The following UVSSA variants were observed in gnomAD, a reference collection of about 807,000 sequenced individuals.
UVSSA encodes UV-stimulated scaffold protein A.
UVSSA carries 72 observed loss-of-function variants against 73.9 expected under a neutral mutation model. The ratio of observed to expected loss-of-function variants is 0.97; its 90% CI spans 0.81 to 1.19. The LOEUF is 1.19. UVSSA is among the 50% of genes most tolerant of loss of function. The probability of loss-of-function intolerance (pLI) is 0.00; values close to 1 mark genes in which losing one functional copy is unlikely to be tolerated. For missense variants in UVSSA, 1,150 were observed against 965.0 expected (o/e 1.19, Z -2.54); for synonymous variants, 454 against 391.3 (o/e 1.16, Z -1.89).
chr4:1,362,175 T>C (rs559045176), intron 7 of UVSSA, among the ~76,000 whole-genome samples: 1 of 152,356 alleles, frequency 6.6e-6, no homozygotes, highest in South Asian at 2.1e-4. Flanking sequence ...TCCTTTTAAG[T>C]GTGGGTGAGA....
chr4:1,343,411 G>C (rs574198649), upstream of UVSSA, among the ~76,000 whole-genome samples: 4 of 152,184 alleles, frequency 2.6e-5, no homozygotes, highest in East Asian at 7.7e-4. Flanking sequence ...TTAGGGCTTC[G>C]ACATAGGAAT....
Position 1,375,495 on chromosome 4 carries a change from C to T in UVSSA, c.1420C>T (p.Pro474Ser), listed in dbSNP as rs770848973. Residue 474 changes from proline (P) to serine (S), a missense_variant, in exon 9 of 14, where the codon CCC becomes TCC. By Grantham distance (74) the Pro-to-Ser change is moderately conservative. Coordinates refer to ENST00000389851, the MANE Select transcript of UVSSA (RefSeq NM_020894.4). ...LRQLRDHLPP[P>S]SSASPSRALP... The stretch of plus-strand genomic sequence containing the variant: ...GCAGCTCCGGGACCACTTGCCTCCA[C>T]CCTCATCTGCCAGGTGACTCCCAGT... 1 of 1,610,430 alleles carries T rather than the reference C, an allele frequency of 6.2e-7. No individual in the cohort carries two copies. The highest frequency in any genetic ancestry group is 8.5e-7 in the Non-Finnish European group (1 of 1,179,750).
At chr4:1,372,991 G>A (rs1474837742) in intron 8 of UVSSA, among the ~76,000 whole-genome samples, 1 of 152,118 alleles carries the variant, frequency 6.6e-6, no homozygotes, top group Non-Finnish European at 1.5e-5. Flanking sequence ...TTTCAAAGCG[G>A]ACCTCACCAT....
At chr4:1,346,902 G>A (rs1158213017), upstream of UVSSA, among the ~76,000 whole-genome samples, 3 of 151,786 alleles carry the variant, frequency 2.0e-5, no homozygotes, top group Non-Finnish European at 2.9e-5. Flanking sequence ...CCCCACCCCC[G>A]GCAGCCTGCC....
chr4:1,355,068 C>T (rs1176686671), intron 6 of UVSSA, 49 bp from the exon 7 acceptor site: 1 of 1,601,768 alleles, frequency 6.2e-7, no homozygotes. Context: ...GACAGCTTCC[C>T]AGGTCCTGCC....
At chr4:1,375,542 G>A (rs1346530288) in intron 9 of UVSSA, 34 bp downstream of exon 9, 2 of 1,592,598 alleles carry the variant, frequency 1.3e-6, no homozygotes, top group East Asian at 2.2e-5. Context: ...TGAGCCCCCT[G>A]CCCGGCGCTG....
Position 1,348,133 on chromosome 4 carries a change from T to G in UVSSA, c.42T>G (p.Thr14=). 6.2e-7 allele frequency: 1 copy of G among 1,613,890 alleles called. No individual in the cohort carries two copies. Among genetic ancestry groups the G allele is most frequent in the Non-Finnish European group, 8.5e-7 (1 of 1,179,992 alleles). Residue 14 remains threonine, a synonymous_variant, in exon 2 of 14, where the codon ACT becomes ACG. Coordinates refer to ENST00000389851, the MANE Select transcript of UVSSA (RefSeq NM_020894.4). ...KLSKLVEELT[T]SGEPRLNPEK... Reference sequence around the variant, plus strand: ...CGAAGTTGGTAGAAGAGCTCACAACTTCAGGAGAACCCCGACTAAATCCTG... The same window carrying G: ...CGAAGTTGGTAGAAGAGCTCACAACGTCAGGAGAACCCCGACTAAATCCTG...
In UVSSA at chr4:1,377,140, G is replaced by A. The variant is rs573585955; in HGVS notation, c.1568+972G>A. Among the ~76,000 whole-genome samples the A allele has an allele frequency of 8.7e-4, 133 of 152,324 alleles. 1 individual carries two copies. Among genetic ancestry groups the A allele is most frequent in the Non-Finnish European group, 1.5e-3 (102 of 68,024 alleles). On this transcript the variant is annotated intron_variant, in intron 10 of 13. Transcript: ENST00000389851. Reference sequence around the variant, plus strand: ...TGTCAGAACCTCCAGAGAGCGGGGGGGCAGGGGAGCCGGGCAAGGGTCCTG... The same window carrying A: ...TGTCAGAACCTCCAGAGAGCGGGGGAGCAGGGGAGCCGGGCAAGGGTCCTG...
chr4:1,366,625 C>G (rs1717364294), intron 8 of UVSSA, among the ~76,000 whole-genome samples, 194 bp downstream of exon 8: 1 of 152,220 alleles, frequency 6.6e-6, no homozygotes, highest in Admixed American at 6.5e-5. Flanking sequence ...TGCTTTTCCT[C>G]TACGTTCTGG....
upstream of UVSSA, among the ~76,000 whole-genome samples, chr4:1,343,392 C>T (rs1211106037): frequency 1.3e-5 from 2 of 152,116 alleles, no homozygotes; most frequent in African/African-American, 2.4e-5. Flanking sequence ...AATAAAGTCA[C>T]ATTGGAGGTT....
chr4:1,382,788 C>T (rs983630163), intron 12 of UVSSA, among the ~76,000 whole-genome samples: 1 of 152,206 alleles, frequency 6.6e-6, no homozygotes, highest in African/African-American at 2.4e-5. Context: ...GGCATTCCTC[C>T]GGGGATGTGC....
rs144588942 is a variant in UVSSA at position 1,394,609 on chromosome 4, C to T, written c.*8648C>T. The T allele has an allele frequency of 8.6e-5, 129 of 1,505,888 alleles. 1 individual carries two copies. The highest frequency in any genetic ancestry group is 2.3e-4 in the South Asian group (19 of 82,832). The allele number at this position is 1,505,888 out of a possible 1,614,324, so 93.3% of individuals were successfully genotyped here. On this transcript the variant is annotated 3_prime_UTR_variant, in exon 14 of 14. Transcript: ENST00000511216. ...TGCTCATGTGCCCATGTGGAGTGCC[C>T]GCCTGCTCACACATGTCGATGCGGA...
intron 10 of UVSSA, among the ~76,000 whole-genome samples, chr4:1,379,161 C>T (rs927336439): frequency 3.3e-5 from 5 of 152,238 alleles, no homozygotes; most frequent in African/African-American, 1.2e-4. Flanking sequence ...CGACCGTTCC[C>T]CAGTCAGCAG....
At position 1,349,718 on chromosome 4, in the gene UVSSA, C is replaced by T. The variant is rs567945891; in HGVS notation, c.293C>T (p.Pro98Leu). Residue 98 changes from proline to leucine, a missense_variant, in exon 3 of 14, where the codon CCT (proline) becomes CTT (leucine). Coordinates refer to ENST00000389851, the MANE Select transcript of UVSSA (RefSeq NM_020894.4). ...ACGCTGGGCACAGACCCCGCACAGCCTCTGCCGCCCCCCAGGGAGGCGGCA... is the reference window on the plus strand; with the variant it reads ...ACGCTGGGCACAGACCCCGCACAGCTTCTGCCGCCCCCCAGGGAGGCGGCA... ...ELTLGTDPAQ[P>L]LPPPREAAQR... The T allele has an allele frequency of 2.5e-6, 4 of 1,613,928 alleles. No homozygotes were observed. In the African/African-American group the frequency reaches 4.0e-5, roughly 16 times the overall value.
intron 8 of UVSSA, among the ~76,000 whole-genome samples, chr4:1,368,814 C>T (rs959396869): frequency 2.6e-5 from 4 of 152,246 alleles, no homozygotes; most frequent in East Asian, 1.9e-4. Context: ...CTGCTGGGTC[C>T]GTCCTGGTCC....
upstream of UVSSA, chr4:1,347,176 A>C (rs1011539045): frequency 1.3e-5 from 2 of 150,608 alleles, no homozygotes; most frequent in Non-Finnish European, 3.0e-5. Context: ...ACCTGACAAG[A>C]GGGGCGGTCC....
At position 1,380,122 on chromosome 4, in the gene UVSSA, G is replaced by A. The variant is rs1254885921; in HGVS notation, c.1644G>A (p.Met548Ile). The change falls in exon 11 of 14, where the codon ATG (methionine) becomes ATA (isoleucine). Residue 548 changes from methionine (M) to isoleucine (I), a missense_variant. Transcript: ENST00000389851. ...TGGTCAATGCCGACATCTCCGAGAT[G>A]CTCCGGAGCCGCCACATCACTTTTG... ...EEVVNADISE[M>I]LRSRHITFAG... The A allele has an allele frequency of 3.1e-6, 5 of 1,613,012 alleles. No individual in the cohort carries two copies. Among genetic ancestry groups the A allele is most frequent in the Non-Finnish European group, 4.2e-6 (5 of 1,179,954 alleles).
In UVSSA at chr4:1,368,994, C is replaced by G. The variant is rs189918942; in HGVS notation, c.1288+2563C>G. 2.7e-3 allele frequency among the ~76,000 whole-genome samples: 408 copies of G among 152,328 alleles called. 2 individuals carry two copies. Among genetic ancestry groups the G allele is most frequent in the Middle Eastern group, 0.01 (3 of 294 alleles). On this transcript the variant is annotated intron_variant, in intron 8 of 13. Coordinates refer to ENST00000389851, the MANE Select transcript of UVSSA (RefSeq NM_020894.4). ...TGGAGGGGAGGGTGCCTTAGACCTG[C>G]CCCGGTGGAGGGGAGGGTGCCTTAG... is the stretch of plus-strand genomic sequence containing the variant.
intron 5 of UVSSA, chr4:1,354,386 G>A (rs1025216771): frequency 2.5e-5 from 8 of 318,252 alleles, no homozygotes; most frequent in Admixed American, 8.1e-5. Context: ...ATCCTGTGGC[G>A]TGGGCTGTGG....
Sources: allele counts gnomAD v4.1 joint callset (sites outside exome capture counted in the v4.1 genomes callset), GRCh38; gene constraint gnomAD v4.1.1; transcripts MANE v1.5; gene names NCBI Gene and HGNC (gene_info 2026-07-23, HGNC 2026-07-21).